Variants in CRYGS observed in about 807,000 individuals in gnomAD.
CRYGS encodes the protein crystallin gamma S, also known as gamma-crystallin S.
CRYGS carries 13 observed loss-of-function variants against 21.3 expected under a neutral mutation model. That is an observed-to-expected ratio of 0.61 (90% CI 0.40 to 0.97). CRYGS has a LOEUF of 0.97. CRYGS is among the 50% of genes least tolerant of loss of function. The pLI is 0.00. For missense variants in CRYGS, 205 were observed against 229.7 expected (o/e 0.89, Z 0.69); for synonymous variants, 67 against 75.0 (o/e 0.89, Z 0.55).
intron 2 of CRYGS, 118 bp from the exon 3 acceptor site, chr3:186,539,086 C>T: frequency 8.0e-7 from 1 of 1,248,774 alleles, no homozygotes; most frequent in Non-Finnish European, 1.1e-6. Context: ...GATCTGAACT[C>T]CCATCTCACC....
chr3:186,539,560 C>T lies in CRYGS; in HGVS notation c.59G>A (p.Arg20His), dbSNP rs757348269. 23 of 1,614,018 alleles carry T rather than the reference C, an allele frequency of 1.4e-5. No individual in the cohort carries two copies. The highest frequency in any genetic ancestry group is 6.7e-5 in the East Asian group (3 of 44,880). Residue 20 changes from arginine (R) to histidine (H), a missense_variant, in exon 2 of 3, where the codon CGC becomes CAC. Coordinates refer to ENST00000307944, the MANE Select transcript of CRYGS (RefSeq NM_017541.4). ...TGCACAGTCGCAATCACAGTCATAG[C>T]GACGGCCTTGAAAATTTTTGTCTTC... ...FYEDKNFQGR[R>H]YDCDCDCADF...
At position 186,539,792 on chromosome 3, in the gene CRYGS, C is replaced by T. The variant is rs546152655; in HGVS notation, c.22-195G>A. The T allele has an allele frequency of 1.5e-5, 9 of 609,422 alleles. 1 individual carries two copies. In the South Asian group the frequency reaches 1.8e-4, roughly 12 times the overall value. 37.8% of individuals were successfully genotyped at this position (609,422 alleles called of 1,614,324 possible). A position where few individuals can be genotyped will look rare whatever the true frequency, so the allele number is the denominator to read the frequency against. On this transcript the variant is annotated intron_variant, in intron 1 of 2. Coordinates refer to ENST00000307944, the MANE Select transcript of CRYGS (RefSeq NM_017541.4). ...TTGTCAACAACAGAAATGAGTTCTTCCTGAAGGCTGAACATGAAGCAAAAC... is the reference window on the plus strand; with the variant it reads ...TTGTCAACAACAGAAATGAGTTCTTTCTGAAGGCTGAACATGAAGCAAAAC...
chr3:186,539,178 A>C (rs1713997433), intron 2 of CRYGS, among the ~76,000 whole-genome samples, 177 bp downstream of exon 2: 1 of 152,238 alleles, frequency 6.6e-6, no homozygotes, highest in Non-Finnish European at 1.5e-5. Context: ...AGCACCCTGG[A>C]AATTAGTGTA....
chr3:186,540,274 CT>C (rs1332018319), intron 1 of CRYGS: 2 of 152,812 alleles, frequency 1.3e-5, no homozygotes, highest in African/African-American at 4.8e-5. Flanking sequence ...GGGTAAGTCT[CT>C]GATGGCACTG....
chr3:186,539,711 A>G, intron 1 of CRYGS, 114 bp from the exon 2 acceptor site: 1 of 1,274,860 alleles, frequency 7.8e-7, no homozygotes, highest in East Asian at 2.4e-5. Context: ...AATTTTGAGG[A>G]AAAATATGTA....
chr3:186,539,885 C>G (rs1005971944), intron 1 of CRYGS: 1 of 399,112 alleles, frequency 2.5e-6, no homozygotes, highest in African/African-American at 2.0e-5. Context: ...TATGTTCCCA[C>G]AGCTCTCTGT....
At chr3:186,540,687 G>A (rs780668779) in intron 1 of CRYGS, 7 of 891,124 alleles carry the variant, frequency 7.9e-6, no homozygotes, top group African/African-American at 1.8e-5. Flanking sequence ...GCATTATGCC[G>A]CCACCTTGTG....
chr3:186,544,180 C>A, intron 1 of CRYGS, 126 bp downstream of exon 1: 1 of 763,020 alleles, frequency 1.3e-6, no homozygotes, highest in East Asian at 2.5e-5. Flanking sequence ...TTAATCTTCT[C>A]TCTCAATCCC....
chr3:186,544,334 G>A lies in CRYGS; in HGVS notation c.-8C>T, dbSNP rs1363970922. 1.3e-6 allele frequency: 2 copies of A among 1,598,434 alleles called. No individual in the cohort carries two copies. Among genetic ancestry groups the A allele is most frequent in the Middle Eastern group, 1.7e-4 (1 of 6,042 alleles). ...GGTTCCAGTTTTAGACATTTTTGGT[G>A]CATAGACTGGTTTTCCCAGTGCTGA... On this transcript the variant is annotated 5_prime_UTR_variant, in exon 1 of 3. Transcript: ENST00000307944.
Position 186,538,447 on chromosome 3 carries a change from T to G in CRYGS, c.*249A>C. ...AGGAACCACCACATGTCAGTATGAC[T>G]TTCTAACCTTTTAATGAGATCTCAT... On this transcript the variant is annotated 3_prime_UTR_variant, in exon 3 of 3. Coordinates refer to ENST00000307944, the MANE Select transcript of CRYGS (RefSeq NM_017541.4). 1.8e-6 allele frequency: 1 copy of G among 569,188 alleles called. No individual in the cohort carries two copies. The highest frequency in any genetic ancestry group is 3.1e-6 in the Non-Finnish European group (1 of 318,458). 35.3% of individuals were successfully genotyped at this position (569,188 alleles called of 1,614,324 possible).
In CRYGS at chr3:186,540,589, C is replaced by CT. The variant is rs199798383; in HGVS notation, c.22-993dup. 2.9e-3 allele frequency: 448 copies of CT among 151,972 alleles called. 1 individual carries two copies. Among genetic ancestry groups the CT allele is most frequent in the East Asian group, 8.8e-3 (45 of 5,098 alleles). The allele number at this position is 151,972 out of a possible 1,614,324, so 9.4% of individuals were successfully genotyped here. On this transcript the variant is annotated intron_variant, in intron 1 of 2. Transcript: ENST00000307944. ...TTCAATAATTCCACAATCTTTTCAT[C>CT]TTTTTTTTTTTTAAGATGGAATTTC...
In CRYGS at chr3:186,538,915, A is replaced by G. The variant is rs1713990515; in HGVS notation, c.318T>C (p.Gly106=). Reference sequence around the variant, plus strand: ...AATCTTCGGTGGTTTCATACATCTGACCACTAAAATCCCCTTTCTCAAAGA... The same window carrying G: ...AATCTTCGGTGGTTTCATACATCTGGCCACTAAAATCCCCTTTCTCAAAGA... ...IQIFEKGDFS[G]QMYETTEDCP... is the part of the protein sequence containing the mutation. The change falls in exon 3 of 3, where the codon GGT becomes GGC. Residue 106 remains glycine (G), a synonymous_variant. Coordinates refer to ENST00000307944, the MANE Select transcript of CRYGS (RefSeq NM_017541.4). The G allele has an allele frequency of 6.2e-7, 1 of 1,613,970 alleles. No homozygotes were observed. The highest frequency in any genetic ancestry group is 1.7e-5 in the Admixed American group (1 of 59,982).
intron 1 of CRYGS, 105 bp from the exon 2 acceptor site, chr3:186,539,702 A>T: frequency 7.2e-7 from 1 of 1,393,236 alleles, no homozygotes. Context: ...TTTCACCTCA[A>T]TTTTGAGGAA....
Position 186,538,797 on chromosome 3 carries a change from G to C in CRYGS, c.436C>G (p.Arg146Gly), listed in dbSNP as rs915116953. The C allele has an allele frequency of 6.8e-6, 11 of 1,613,972 alleles. No homozygotes were observed. The highest frequency in any genetic ancestry group is 8.5e-6 in the Non-Finnish European group (10 of 1,180,004). ...VWIFYELPNY[R>G]GRQYLLDKKE... ...TTGTCCAGGAGGTACTGCCTGCCAC[G>C]GTAGTTGGGTAGCTCATAGAAAATC... is the stretch of plus-strand genomic sequence containing the variant. Residue 146 changes from arginine to glycine, a missense_variant, in exon 3 of 3, where the codon CGT becomes GGT. By Grantham distance (125) the Arg-to-Gly change is moderately radical. Transcript: ENST00000307944.
intron 2 of CRYGS, 56 bp downstream of exon 2, chr3:186,539,299 G>T: frequency 1.9e-6 from 3 of 1,610,202 alleles, no homozygotes; most frequent in South Asian, 1.1e-5. Context: ...CTAAAAGCAA[G>T]AGAAAGCGGA....
At position 186,538,789 on chromosome 3, in the gene CRYGS, C is replaced by T. The variant is rs1211662753; in HGVS notation, c.444G>A (p.Arg148=). The part of the protein sequence containing the change: ...IFYELPNYRG[R]QYLLDKKEYR... The stretch of plus-strand genomic sequence containing the variant: ...ACTCCTTCTTGTCCAGGAGGTACTG[C>T]CTGCCACGGTAGTTGGGTAGCTCAT... Residue 148 remains arginine, a synonymous_variant, in exon 3 of 3, where the codon AGG becomes AGA. Coordinates refer to ENST00000307944, the MANE Select transcript of CRYGS (RefSeq NM_017541.4). 6.2e-7 allele frequency: 1 copy of T among 1,614,154 alleles called. No homozygotes were observed. Among genetic ancestry groups the T allele is most frequent in the Admixed American group, 1.7e-5 (1 of 60,024 alleles).
chr3:186,544,135 A>T (rs777205732), intron 1 of CRYGS, among the ~76,000 whole-genome samples, 171 bp downstream of exon 1: 1 of 152,202 alleles, frequency 6.6e-6, no homozygotes, highest in African/African-American at 2.4e-5. Context: ...GTGTTCGGTA[A>T]TTCTGTTAAG....
intron 1 of CRYGS, among the ~76,000 whole-genome samples, chr3:186,541,587 C>T (rs185462769): frequency 9.2e-5 from 14 of 152,266 alleles, no homozygotes; most frequent in Admixed American, 4.6e-4. Flanking sequence ...CTCTTGCAGA[C>T]GGTATGCTCT....
intron 1 of CRYGS, among the ~76,000 whole-genome samples, chr3:186,542,065 A>G (rs1020522190): frequency 2.6e-5 from 4 of 152,262 alleles, no homozygotes; most frequent in Non-Finnish European, 5.9e-5. Flanking sequence ...GAAGTTAATA[A>G]TACCATCTAT....
Sources: allele counts gnomAD v4.1 joint callset (sites outside exome capture counted in the v4.1 genomes callset), GRCh38; gene constraint gnomAD v4.1.1; transcripts MANE v1.5; gene names NCBI Gene and HGNC (gene_info 2026-07-23, HGNC 2026-07-21).